Variants in ERGIC3 observed in about 807,000 individuals in gnomAD.
ERGIC3 encodes ERGIC and golgi 3.
Under a neutral mutation model 54.7 loss-of-function variants are expected in ERGIC3, and 33 were observed. The observed-to-expected ratio is 0.60, with a 90% CI of 0.46 to 0.81. The LOEUF is 0.81. ERGIC3 is among the 30% of genes least tolerant of loss of function. The probability of loss-of-function intolerance (pLI) is 0.00; values close to 1 mark genes in which losing one functional copy is unlikely to be tolerated. For synonymous variants in ERGIC3, 186 were observed against 189.8 expected (o/e 0.98, Z 0.16); for missense variants, 399 against 488.4 (o/e 0.82, Z 1.73).
intron 4 of ERGIC3, 187 bp downstream of exon 4, chr20:35,543,128 G>A (rs1223840234): frequency 3.0e-6 from 2 of 666,814 alleles, no homozygotes; most frequent in Admixed American, 2.7e-5. Flanking sequence ...TATACATATC[G>A]AGTCAGGTAA....
At chr20:35,544,666 C>T in intron 4 of ERGIC3, 1 of 188,720 alleles carries the variant, frequency 5.3e-6, no homozygotes, top group Non-Finnish European at 1.1e-5. Context: ...GCGGCGGCAG[C>T]TGTGCCTGGG....
rs2064722888 is a variant in ERGIC3, at chr20:35,557,622, G to A, written c.*118G>A. On this transcript the variant is annotated 3_prime_UTR_variant, in exon 13 of 13. Transcript: ENST00000348547. ...CCCCAGGTTGATAAATCTATTGATT[G>A]ATTGTGATAGTACTCACTGGTCTCC... 4 of 824,286 alleles carry A rather than the reference G, an allele frequency of 4.9e-6. No individual in the cohort carries two copies. The African/African-American group carries it at 6.7e-5, about 14-fold the overall frequency. 51.1% of individuals were successfully genotyped at this position (824,286 alleles called of 1,614,324 possible).
intron 4 of ERGIC3, among the ~76,000 whole-genome samples, chr20:35,546,976 A>C (rs866640612): frequency 6.6e-6 from 1 of 152,014 alleles, no homozygotes; most frequent in African/African-American, 2.4e-5. Flanking sequence ...GCAGAGGGAG[A>C]GGTGTGAGGA....
chr20:35,557,291 G>A, intron 12 of ERGIC3, 42 bp downstream of exon 12: 1 of 1,613,562 alleles, frequency 6.2e-7, no homozygotes, highest in Non-Finnish European at 8.5e-7. Context: ...GGTGGGGAGG[G>A]TAAAGCCTGG....
chr20:35,547,120 C>T, intron 4 of ERGIC3: 1 of 277,644 alleles, frequency 3.6e-6, no homozygotes, highest in Non-Finnish European at 7.0e-6. Context: ...ATAATTACCG[C>T]CACCCTCAAA....
At chr20:35,552,352 G>A (rs2064686225) in intron 7 of ERGIC3, among the ~76,000 whole-genome samples, 1 of 152,174 alleles carries the variant, frequency 6.6e-6, no homozygotes, top group Admixed American at 6.5e-5. Context: ...GGGAGATTGA[G>A]TAGGATTGAT....
intron 4 of ERGIC3, chr20:35,545,433 G>T (rs1358572049): frequency 6.6e-6 from 1 of 152,092 alleles, no homozygotes; most frequent in East Asian, 1.9e-4. Context: ...CGGGTGTGGT[G>T]GTGGGCACCT....
chr20:35,547,290 C>A, intron 4 of ERGIC3, 122 bp from the exon 5 acceptor site: 1 of 701,578 alleles, frequency 1.4e-6, no homozygotes, highest in Non-Finnish European at 2.6e-6. Flanking sequence ...GTAGCATGTA[C>A]TATATGAATA....
chr20:35,557,297 C>G (rs1401417075), intron 12 of ERGIC3, 48 bp downstream of exon 12: 6 of 1,613,180 alleles, frequency 3.7e-6, no homozygotes, highest in Non-Finnish European at 4.2e-6. Context: ...GAGGGTAAAG[C>G]CTGGGTGCCC....
chr20:35,543,906 AG>A (rs2064631290), intron 4 of ERGIC3: 1 of 332,812 alleles, frequency 3.0e-6, no homozygotes, highest in Non-Finnish European at 6.0e-6. Context: ...GTGTTTTTTC[AG>A]TTTCCCTGGG....
At chr20:35,549,091 G>A (rs2064667965) in intron 7 of ERGIC3, 1 of 662,126 alleles carries the variant, frequency 1.5e-6, no homozygotes, top group Non-Finnish European at 2.8e-6. Context: ...GTGTGACTTT[G>A]AGAAGGTTTC....
At chr20:35,544,409 A>T in intron 4 of ERGIC3, 1 of 296,024 alleles carries the variant, frequency 3.4e-6, no homozygotes. Context: ...TTTATTTCAG[A>T]GAGAGGGCAG....
chr20:35,546,625 G>A (rs890481854), intron 4 of ERGIC3, among the ~76,000 whole-genome samples: 1 of 152,174 alleles, frequency 6.6e-6, no homozygotes, highest in African/African-American at 2.4e-5. Context: ...AGAGGAACAG[G>A]GAGTTGTGGT....
At chr20:35,548,203 C>T (rs879561854) in intron 5 of ERGIC3, among the ~76,000 whole-genome samples, 1 of 152,120 alleles carries the variant, frequency 6.6e-6, no homozygotes, top group Admixed American at 6.6e-5. Context: ...AGTCTGGGCA[C>T]AATGGCTTAC....
intron 8 of ERGIC3, among the ~76,000 whole-genome samples, chr20:35,555,618 C>G (rs2064706794): frequency 3.3e-5 from 5 of 152,088 alleles, no homozygotes. Context: ...GCACCTGCTA[C>G]TCTGTGTGCC....
At chr20:35,557,300 G>T in intron 12 of ERGIC3, 51 bp downstream of exon 12, 2 of 1,613,284 alleles carry the variant, frequency 1.2e-6, no homozygotes, top group Non-Finnish European at 1.7e-6. Flanking sequence ...GGTAAAGCCT[G>T]GGTGCCCCAG....
chr20:35,556,484 T>G, intron 10 of ERGIC3: 1 of 589,390 alleles, frequency 1.7e-6, no homozygotes, highest in Admixed American at 3.0e-5. Flanking sequence ...TCTGCTGCCC[T>G]CACCGCTTCT....
intron 4 of ERGIC3, chr20:35,543,681 G>A: frequency 2.1e-6 from 1 of 471,050 alleles, no homozygotes; most frequent in South Asian, 1.5e-5. Context: ...GACACCAGTG[G>A]AACCAACATA....
chr20:35,546,047 A>C (rs2064647085), intron 4 of ERGIC3, among the ~76,000 whole-genome samples: 1 of 152,222 alleles, frequency 6.6e-6, no homozygotes, highest in African/African-American at 2.4e-5. Flanking sequence ...AAGAACCAAG[A>C]GGTGTCCCAA....
Sources: gnomAD v4.1 joint callset for allele counts (sites outside exome capture counted in the v4.1 genomes callset) on GRCh38, gnomAD v4.1.1 for gene constraint, MANE v1.5 for transcripts, NCBI Gene and HGNC (gene_info 2026-07-23, HGNC 2026-07-21) for gene names.